The following AKAP7 variants were observed in gnomAD, a reference collection of about 807,000 sequenced individuals.
The protein encoded by AKAP7 is A-kinase anchoring protein 7.
Under a neutral mutation model 39.5 loss-of-function variants are expected in AKAP7, and 39 were observed. That is an observed-to-expected ratio of 0.99 (90% CI 0.76 to 1.29). AKAP7 has a LOEUF of 1.29. AKAP7 is among the 50% of genes most tolerant of loss of function. The pLI is 0.00. For synonymous variants in AKAP7, 140 were observed against 139.1 expected (o/e 1.01, Z -0.05); for missense variants, 414 against 407.7 (o/e 1.02, Z -0.13).
chr6:131,156,785 T>A (rs1802454084), intron 2 of AKAP7, among the ~76,000 whole-genome samples: 1 of 151,836 alleles, frequency 6.6e-6, no homozygotes, highest in Non-Finnish European at 1.5e-5. Flanking sequence ...TTCCTTTTTT[T>A]TTTTTGAGAT....
intron 6 of AKAP7, among the ~76,000 whole-genome samples, chr6:131,209,030 A>G (rs1808396072): frequency 6.6e-6 from 1 of 152,198 alleles, no homozygotes; most frequent in African/African-American, 2.4e-5. Flanking sequence ...GGGGCAGAAA[A>G]TATTTTGAAC....
intron 7 of AKAP7, among the ~76,000 whole-genome samples, chr6:131,250,943 T>C (rs1196009511): frequency 1.3e-5 from 2 of 152,194 alleles, no homozygotes; most frequent in African/African-American, 4.8e-5. Flanking sequence ...ATCACTGCAT[T>C]CGATTTGATA....
At chr6:131,227,530 C>G (rs866988880) in intron 7 of AKAP7, among the ~76,000 whole-genome samples, 1 of 152,144 alleles carries the variant, frequency 6.6e-6, no homozygotes, top group East Asian at 1.9e-4. Context: ...GTTTAATACT[C>G]AACAACACAG....
intron 6 of AKAP7, among the ~76,000 whole-genome samples, chr6:131,204,972 T>C (rs528055757): frequency 6.6e-6 from 1 of 152,300 alleles, no homozygotes; most frequent in Non-Finnish European, 1.5e-5. Flanking sequence ...ACTGATGCAC[T>C]GAAAGTACTG....
intron 5 of AKAP7, among the ~76,000 whole-genome samples, chr6:131,191,623 C>T (rs1247610398): frequency 2.6e-5 from 4 of 152,088 alleles, no homozygotes; most frequent in African/African-American, 9.7e-5. Context: ...AGAAAAGGAC[C>T]ATGCAGAATT....
intron 5 of AKAP7, among the ~76,000 whole-genome samples, chr6:131,187,059 C>CT (rs2128265674): frequency 6.6e-6 from 1 of 152,270 alleles, no homozygotes; most frequent in East Asian, 1.9e-4. Context: ...TGTAAAATCT[C>CT]TAACTTTGAT....
upstream of AKAP7, among the ~76,000 whole-genome samples, chr6:131,133,928 G>T (rs746257157): frequency 6.6e-6 from 1 of 152,170 alleles, no homozygotes; most frequent in Non-Finnish European, 1.5e-5. Context: ...ATGCAGGTAA[G>T]ACTCATTCTC....
At chr6:131,130,459 G>C in the AKAP7 span, among the ~76,000 whole-genome samples, 1 of 152,162 alleles carries the variant, frequency 6.6e-6, no homozygotes, top group Non-Finnish European at 1.5e-5. Flanking sequence ...GCCACGCCTG[G>C]CTAATTTTGT....
At chr6:131,156,264 T>C (rs1290665689) in intron 2 of AKAP7, among the ~76,000 whole-genome samples, 4 of 152,202 alleles carry the variant, frequency 2.6e-5, no homozygotes, top group African/African-American at 4.8e-5. Context: ...GGAACTTATT[T>C]AGAATTGATT....
chr6:131,156,407 G>A lies in AKAP7; in HGVS notation c.152-3652G>A, dbSNP rs1802421436. On this transcript the variant is annotated intron_variant, in intron 2 of 7. Coordinates refer to ENST00000431975, the MANE Select transcript of AKAP7 (RefSeq NM_016377.4). ...AATGCCAGCATGTTAGGAGGCTAAG[G>A]TGGGAGGATTGCTTGAGCCCAGGAG... Among the ~76,000 whole-genome samples the A allele has an allele frequency of 2.6e-5, 4 of 152,110 alleles. No homozygotes were observed. In the South Asian group the frequency reaches 8.3e-4, roughly 32 times the overall value.
At chr6:131,164,666 G>A in intron 3 of AKAP7, 1 of 312,468 alleles carries the variant, frequency 3.2e-6, no homozygotes, top group South Asian at 2.8e-5. Flanking sequence ...GAAATGGAAT[G>A]TTGTCTGCTG....
Position 131,135,666 on chromosome 6 carries a change from G to A in AKAP7, c.-98G>A, listed in dbSNP as rs1362122669. On this transcript the variant is annotated 5_prime_UTR_variant, in exon 1 of 8. Transcript: ENST00000431975. ...GCACCGCCCTCAGGCCCCGAGCCCC[G>A]CCCTGGCCTCCGCCTCGGCCTCGCC... 12 of 1,046,042 alleles carry A rather than the reference G, an allele frequency of 1.1e-5. No homozygotes were observed. Among genetic ancestry groups the A allele is most frequent in the Non-Finnish European group, 1.4e-5 (12 of 864,534 alleles). The allele number at this position is 1,046,042 out of a possible 1,614,324, so 64.8% of individuals were successfully genotyped here. A position where few individuals can be genotyped will look rare whatever the true frequency, so the allele number is the denominator to read the frequency against.
intron 6 of AKAP7, among the ~76,000 whole-genome samples, chr6:131,201,945 G>T (rs1332162419): frequency 6.6e-6 from 1 of 152,150 alleles, no homozygotes; most frequent in Admixed American, 6.6e-5. Context: ...CAAAAAGTGG[G>T]TGAAGGACAT....
intron 7 of AKAP7, among the ~76,000 whole-genome samples, chr6:131,264,819 G>A (rs890605540): frequency 6.6e-6 from 1 of 152,170 alleles, no homozygotes; most frequent in Admixed American, 6.5e-5. Flanking sequence ...CATGGCAGAA[G>A]GTGAAGTGGG....
At chr6:131,233,546 G>T (rs1038518404) in intron 7 of AKAP7, among the ~76,000 whole-genome samples, 1 of 152,140 alleles carries the variant, frequency 6.6e-6, no homozygotes, top group Non-Finnish European at 1.5e-5. Context: ...TGGTAGAAAT[G>T]CTACAAACTG....
At chr6:131,217,028 A>G (rs1020120013) in intron 6 of AKAP7, among the ~76,000 whole-genome samples, 1 of 152,172 alleles carries the variant, frequency 6.6e-6, no homozygotes, top group Non-Finnish European at 1.5e-5. Context: ...AACATTGTAT[A>G]CCTCCATTGA....
At chr6:131,138,672 G>A (rs996438117) in intron 1 of AKAP7, among the ~76,000 whole-genome samples, 1 of 152,220 alleles carries the variant, frequency 6.6e-6, no homozygotes, top group Non-Finnish European at 1.5e-5. Context: ...AGAGTGACTG[G>A]ATTCCAGTTC....
intron 5 of AKAP7, among the ~76,000 whole-genome samples, chr6:131,173,943 C>T (rs1017204639): frequency 1.3e-5 from 2 of 152,176 alleles, no homozygotes; most frequent in Non-Finnish European, 2.9e-5. Context: ...GATGAAAGAT[C>T]CATTGTGTGC....
At chr6:131,174,535 G>A (rs1804391982) in intron 5 of AKAP7, among the ~76,000 whole-genome samples, 1 of 152,248 alleles carries the variant, frequency 6.6e-6, no homozygotes. Context: ...GGAGGTTACA[G>A]TGAGCCATGA....
Sources: allele counts gnomAD v4.1 joint callset (sites outside exome capture counted in the v4.1 genomes callset), GRCh38; gene constraint gnomAD v4.1.1; transcripts MANE v1.5; gene names NCBI Gene and HGNC (gene_info 2026-07-23, HGNC 2026-07-21).